TMEM131: variants seen among roughly 807,000 people sequenced by gnomAD.
TMEM131 encodes the protein transmembrane protein 131, also known as 2610524E03Rik.
Under a neutral mutation model 211.6 loss-of-function variants are expected in TMEM131, and 66 were observed. The observed-to-expected ratio is 0.31, with a 90% CI of 0.26 to 0.38. TMEM131 has a LOEUF of 0.38. TMEM131 is among the 10% of genes least tolerant of loss of function. TMEM131 has a pLI of 1.00. For synonymous variants in TMEM131, 844 were observed against 841.3 expected (o/e 1.00, Z -0.06); for missense variants, 2,036 against 2,299.3 (o/e 0.89, Z 2.34).
At chr2:97,875,645 A>C (rs1297636575) in intron 4 of TMEM131, among the ~76,000 whole-genome samples, 1 of 152,218 alleles carries the variant, frequency 6.6e-6, no homozygotes, top group Non-Finnish European at 1.5e-5. Context: ...ATGAAGGCAG[A>C]AAAAAGATGT....
chr2:97,832,336 G>A (rs961719246), intron 11 of TMEM131, among the ~76,000 whole-genome samples: 24 of 152,136 alleles, frequency 1.6e-4, no homozygotes, highest in African/African-American at 5.3e-4. Flanking sequence ...TTTATTGTAC[G>A]TAAAAAGTTA....
intron 7 of TMEM131, among the ~76,000 whole-genome samples, chr2:97,840,357 T>C (rs901313939): frequency 6.6e-6 from 1 of 152,188 alleles, no homozygotes; most frequent in Non-Finnish European, 1.5e-5. Flanking sequence ...GCCACCACAA[T>C]GAGGCAGCAC....
chr2:97,911,525 T>C (rs1676291341), intron 2 of TMEM131: 1 of 531,794 alleles, frequency 1.9e-6, no homozygotes. Context: ...GAAAAGGAAC[T>C]CAGGACGTGT....
intron 25 of TMEM131, among the ~76,000 whole-genome samples, chr2:97,798,755 T>G (rs974513185): frequency 6.6e-6 from 1 of 152,254 alleles, no homozygotes; most frequent in Non-Finnish European, 1.5e-5. Context: ...AGTCGAAGCC[T>G]GTGTTGTTCA....
At chr2:97,846,287 A>C (rs866541442) in intron 5 of TMEM131, among the ~76,000 whole-genome samples, 1 of 152,214 alleles carries the variant, frequency 6.6e-6, no homozygotes, top group African/African-American at 2.4e-5. Context: ...TAGAAACACA[A>C]CTTTCCACAA....
intron 3 of TMEM131, among the ~76,000 whole-genome samples, chr2:97,890,875 T>C (rs1236879793): frequency 6.6e-6 from 1 of 152,256 alleles, no homozygotes; most frequent in Non-Finnish European, 1.5e-5. Context: ...CAGCAACTGT[T>C]ACTGTGATAT....
chr2:97,932,906 G>A (rs1314437185), intron 1 of TMEM131, among the ~76,000 whole-genome samples: 3 of 150,630 alleles, frequency 2.0e-5, no homozygotes, highest in Admixed American at 6.6e-5. Context: ...TTTGGTCAAC[G>A]ATGGACTGCA....
In TMEM131 at chr2:97,792,998, C is replaced by G. The variant is rs1680578760; in HGVS notation, c.3546-14G>C. On this transcript the variant is annotated splice_polypyrimidine_tract_variant and intron_variant, in intron 30 of 40. Coordinates refer to ENST00000186436, the MANE Select transcript of TMEM131 (RefSeq NM_015348.2). ...AGTGTGTTCAAGCTGAAAAAGGGAC[C>G]AACTGCAGATCAGTAAATAGCAACC... 1.3e-6 allele frequency: 2 copies of G among 1,502,310 alleles called. No individual in the cohort carries two copies. The highest frequency in any genetic ancestry group is 1.8e-6 in the Non-Finnish European group (2 of 1,124,954). The allele number at this position is 1,502,310 out of a possible 1,614,324, so 93.1% of individuals were successfully genotyped here.
At chr2:97,860,547 T>C (rs1470344075) in intron 4 of TMEM131, among the ~76,000 whole-genome samples, 1 of 152,244 alleles carries the variant, frequency 6.6e-6, no homozygotes, top group Admixed American at 6.5e-5. Flanking sequence ...TTATATTTCG[T>C]TCAACTGTCC....
chr2:97,923,627 TTAAAAAA>T (rs1355840836), intron 2 of TMEM131, among the ~76,000 whole-genome samples: 7,397 of 99,666 alleles, frequency 0.074, 244 homozygotes, highest in African/African-American at 0.1. Flanking sequence ...GTCTTTTTTT[TTAAAAAA>T]AAAAAAAAAA....
intron 5 of TMEM131, among the ~76,000 whole-genome samples, chr2:97,849,717 CTTTTTTTTTTT>C (rs11320615): frequency 9.6e-6 from 1 of 103,826 alleles, no homozygotes; most frequent in African/African-American, 3.8e-5. Flanking sequence ...CTCTCTCTCT[CTTTTTTTTTTT>C]TTTTTTTTTT....
intron 3 of TMEM131, 24 bp from the exon 4 acceptor site, chr2:97,888,144 T>A: frequency 6.3e-7 from 1 of 1,585,966 alleles, no homozygotes; most frequent in Non-Finnish European, 8.6e-7. Context: ...GAAAACAACA[T>A]AAGAAGCAAT....
intron 11 of TMEM131, 86 bp from the exon 12 acceptor site, chr2:97,818,807 A>C: frequency 1.2e-6 from 1 of 855,446 alleles, no homozygotes; most frequent in Non-Finnish European, 1.8e-6. Flanking sequence ...AGTATACTGG[A>C]AAAGTAAAGT....
At chr2:97,987,863 T>A (rs1454719644) in intron 1 of TMEM131, among the ~76,000 whole-genome samples, 1 of 152,146 alleles carries the variant, frequency 6.6e-6, no homozygotes, top group Non-Finnish European at 1.5e-5. Context: ...TGGGTTAAAA[T>A]ACTGTTAAGA....
Position 97,818,594 on chromosome 2 carries a change from G to GA in TMEM131, c.1183+18dup, listed in dbSNP as rs1468325479. 3 of 1,473,092 alleles carry GA rather than the reference G, an allele frequency of 2.0e-6. No individual in the cohort carries two copies. In the African/African-American group the frequency reaches 4.2e-5, roughly 20 times the overall value. 91.3% of individuals were successfully genotyped at this position (1,473,092 alleles called of 1,614,324 possible). A position where few individuals can be genotyped will look rare whatever the true frequency, so the allele number is the denominator to read the frequency against. On this transcript the variant is annotated intron_variant, in intron 12 of 40. Coordinates refer to ENST00000186436, the MANE Select transcript of TMEM131 (RefSeq NM_015348.2). ...CAAAATAACATCACTCTATCAGAGA[G>GA]AAAATGGTGAATACTTGCCATCAAA...
chr2:97,940,586 A>G (rs536268504), intron 1 of TMEM131, among the ~76,000 whole-genome samples: 56 of 152,256 alleles, frequency 3.7e-4, no homozygotes, highest in African/African-American at 1.3e-3. Flanking sequence ...AGACGGGCGG[A>G]TCACGAGGTC....
chr2:97,831,006 C>G (rs1206317741), intron 11 of TMEM131, among the ~76,000 whole-genome samples: 1 of 152,218 alleles, frequency 6.6e-6, no homozygotes, highest in Non-Finnish European at 1.5e-5. Context: ...GCAGAAAATG[C>G]TGAAACACAC....
chr2:97,850,449 A>T lies in TMEM131; in HGVS notation c.484-6188T>A, dbSNP rs568613885. ...TGGTCTAAAAAAACCTCAAGCAGAC[A>T]ATTTAATGTTTCCTTGGTAGTGTTG... On this transcript the variant is annotated intron_variant, in intron 5 of 40. Coordinates refer to ENST00000186436, the MANE Select transcript of TMEM131 (RefSeq NM_015348.2). Among the ~76,000 whole-genome samples, 3 of 152,226 alleles carry T rather than the reference A, an allele frequency of 2.0e-5. No individual in the cohort carries two copies. In the East Asian group the frequency reaches 5.8e-4, roughly 29 times the overall value.
At chr2:97,803,071 G>A (rs718159) in intron 22 of TMEM131, among the ~76,000 whole-genome samples, 52,607 of 152,006 alleles carry the variant, frequency 0.35, 10,022 homozygotes, top group Middle Eastern at 0.49. Flanking sequence ...ATGTAATCCC[G>A]CGTAAGTTTC....
Sources: allele counts gnomAD v4.1 joint callset (sites outside exome capture counted in the v4.1 genomes callset), GRCh38; gene constraint gnomAD v4.1.1; transcripts MANE v1.5; gene names NCBI Gene and HGNC (gene_info 2026-07-23, HGNC 2026-07-21).